The following ENPP2 variants were observed in gnomAD, a reference collection of about 807,000 sequenced individuals.
ENPP2 encodes autotaxin.
ENPP2 carries 51 observed loss-of-function variants against 120.2 expected under a neutral mutation model. The observed-to-expected ratio is 0.42, with a 90% confidence interval of 0.34 to 0.54. ENPP2 has a LOEUF of 0.54. Ranked by LOEUF, ENPP2 falls within the 20% of genes least tolerant of loss-of-function variation. ENPP2 has a pLI of 0.04. For missense variants in ENPP2, 920 were observed against 1,066.5 expected, an observed-to-expected ratio of 0.86 and a Z score of 1.91; for synonymous variants, 365 against 366.4, an observed-to-expected ratio of 1.00 and a Z score of 0.04.
chr8:119,590,496 T>C lies in ENPP2; in HGVS notation c.1207+9A>G, dbSNP rs779963924. 9.4e-6 allele frequency: 15 copies of C among 1,589,310 alleles called. No individual in the cohort carries two copies. In the African/African-American group the frequency reaches 1.8e-4, roughly 19 times the overall value. On this transcript the variant is annotated intron_variant, in intron 13 of 24. Transcript: ENST00000075322. Reference sequence around the variant, plus strand: ...CTCTAACCACTTAATATTTTAAGAATCAACTTACATTTAGCATTGTTGCTA... The same window carrying C: ...CTCTAACCACTTAATATTTTAAGAACCAACTTACATTTAGCATTGTTGCTA...
intron 21 of ENPP2, 150 bp from the exon 22 acceptor site, chr8:119,568,402 T>C: frequency 3.4e-6 from 2 of 590,634 alleles, no homozygotes; most frequent in Non-Finnish European, 6.1e-6. Flanking sequence ...CTAACTGCGT[T>C]ATACAACATG....
chr8:119,575,328 G>A (rs1463461051), intron 19 of ENPP2, among the ~76,000 whole-genome samples: 1 of 152,042 alleles, frequency 6.6e-6, no homozygotes, highest in East Asian at 1.9e-4. Flanking sequence ...CATGGAGAGT[G>A]TATGGGAAAG....
rs200238911 is a variant in ENPP2 at position 119,586,286 on chromosome 8, G to T, written c.1267C>A (p.Pro423Thr). ...TCKKPDQHFK[P>T]YLKQHLPKRL... is the part of the protein sequence containing the mutation. ...TTGGGAAGGTGCTGTTTCAAGTAAG[G>T]CTTAAAGTGCTGATCTGGTTTTTTA... Residue 423 changes from proline (P) to threonine (T), a missense_variant, in exon 15 of 25, where the codon CCT (proline) becomes ACT (threonine). Pro to Thr is a conservative substitution (Grantham distance 38). Coordinates refer to ENST00000075322, the MANE Select transcript of ENPP2 (RefSeq NM_001040092.3). 10 of 1,613,876 alleles carry T rather than the reference G, an allele frequency of 6.2e-6. 1 individual carries two copies. The highest frequency in any genetic ancestry group is 3.3e-4 in the Middle Eastern group (2 of 6,060).
chr8:119,592,055 T>C (rs1263861228), intron 12 of ENPP2, among the ~76,000 whole-genome samples: 1 of 152,222 alleles, frequency 6.6e-6, no homozygotes, highest in Non-Finnish European at 1.5e-5. Context: ...GGGGTGTTAA[T>C]GTTCTCACCT....
intron 19 of ENPP2, among the ~76,000 whole-genome samples, chr8:119,576,845 C>T (rs1405953362): frequency 6.6e-6 from 1 of 152,150 alleles, no homozygotes; most frequent in South Asian, 2.1e-4. Flanking sequence ...AGTCTACCAC[C>T]TATCTAGAAA....
At chr8:119,567,430 A>C (rs1814563937) in intron 22 of ENPP2, among the ~76,000 whole-genome samples, 1 of 152,206 alleles carries the variant, frequency 6.6e-6, no homozygotes, top group South Asian at 2.1e-4. Flanking sequence ...TGAGAGATTT[A>C]ATGACATTTC....
In ENPP2 at chr8:119,600,831, TA is replaced by T. The variant is rs555281736; in HGVS notation, c.900-82del. ...ATCACATATTTTTAAAAAACGCATT[TA>T]AAAAAAAATGTTCTCAAGTTTAATT... On this transcript the variant is annotated intron_variant, in intron 10 of 24. Coordinates refer to ENST00000075322, the MANE Select transcript of ENPP2 (RefSeq NM_001040092.3). 1.2e-3 allele frequency: 964 copies of T among 818,688 alleles called. 1 individual carries two copies. Among genetic ancestry groups the T allele is most frequent in the African/African-American group, 4.3e-3 (247 of 57,308 alleles). 50.7% of individuals were successfully genotyped at this position (818,688 alleles called of 1,614,324 possible). A position where few individuals can be genotyped will look rare whatever the true frequency, so the allele number is the denominator to read the frequency against.
chr8:119,662,825 G>C (rs918277307), intron 1 of ENPP2, among the ~76,000 whole-genome samples: 16 of 152,184 alleles, frequency 1.1e-4, no homozygotes, highest in African/African-American at 3.9e-4. Context: ...AAAACGGGTA[G>C]TATAGGCCAG....
Position 119,617,215 on chromosome 8 carries a change from C to T in ENPP2, c.606G>A (p.Met202Ile), listed in dbSNP as rs746187066. Residue 202 changes from methionine to isoleucine, a missense_variant, in exon 7 of 25, where the codon ATG (methionine) becomes ATA (isoleucine). Met to Ile is a conservative substitution (Grantham distance 10). Transcript: ENST00000075322. ...LRSCGTHSPY[M>I]RPVYPTKTFP... ...AGGTTTTAGTTGGGTACACCGGCCT[C>T]ATGTAGGGAGAGTGTGTGCCACAAG... 2 of 1,613,600 alleles carry T rather than the reference C, an allele frequency of 1.2e-6. No homozygotes were observed. The highest frequency in any genetic ancestry group is 1.3e-5 in the African/African-American group (1 of 74,906).
At chr8:119,590,035 G>A (rs1813390054) in intron 13 of ENPP2, among the ~76,000 whole-genome samples, 1 of 152,102 alleles carries the variant, frequency 6.6e-6, no homozygotes, top group South Asian at 2.1e-4. Context: ...CAAAGAGAAT[G>A]GACTCCATTC....
chr8:119,662,300 A>G (rs763202409), intron 1 of ENPP2, among the ~76,000 whole-genome samples: 38 of 152,234 alleles, frequency 2.5e-4, no homozygotes, highest in Non-Finnish European at 4.4e-4. Flanking sequence ...TCGTAAATAC[A>G]TACAATGTTT....
intron 2 of ENPP2, among the ~76,000 whole-genome samples, chr8:119,628,741 T>C (rs1431493514): frequency 6.6e-6 from 1 of 152,078 alleles, no homozygotes; most frequent in African/African-American, 2.4e-5. Context: ...GAAATGAAGA[T>C]AGAAATAAAA....
chr8:119,619,130 C>T (rs1587497466), intron 5 of ENPP2, 114 bp downstream of exon 5: 1 of 756,682 alleles, frequency 1.3e-6, no homozygotes. Flanking sequence ...CATAAGTTTG[C>T]CTGTATAAGA....
Position 119,565,880 on chromosome 8 carries a change from GCACA to G in ENPP2, c.2132-929_2132-926del, listed in dbSNP as rs138379605. On this transcript the variant is annotated intron_variant, in intron 22 of 24. Coordinates refer to ENST00000075322, the MANE Select transcript of ENPP2 (RefSeq NM_001040092.3). ...CTGTATCTTTCTCTTGCACGCACAT[GCACA>G]CACACACACACACCACCCATTTCCA... is the stretch of plus-strand genomic sequence containing the variant. 3.9e-3 allele frequency among the ~76,000 whole-genome samples: 591 copies of G among 150,190 alleles called. 3 individuals carry two copies. The highest frequency in any genetic ancestry group is 0.014 in the African/African-American group (569 of 41,006).
intron 1 of ENPP2, among the ~76,000 whole-genome samples, chr8:119,655,316 A>G (rs1024452172): frequency 2.0e-5 from 3 of 152,208 alleles, no homozygotes; most frequent in South Asian, 2.1e-4. Context: ...TTGAAATACA[A>G]TTACCTCAGA....
At chr8:119,661,996 T>C (rs1008327771) in intron 1 of ENPP2, among the ~76,000 whole-genome samples, 4 of 152,088 alleles carry the variant, frequency 2.6e-5, no homozygotes, top group Non-Finnish European at 4.4e-5. Context: ...GAGAATAGGA[T>C]GGTGGTTACA....
intron 23 of ENPP2, among the ~76,000 whole-genome samples, chr8:119,563,776 CAATTTACACA>C (rs1319145274): frequency 1.3e-5 from 2 of 151,740 alleles, no homozygotes; most frequent in Non-Finnish European, 2.9e-5. Context: ...AATAAATGTG[CAATTTACACA>C]AAATTTCTCT....
intron 3 of ENPP2, 32 bp downstream of exon 3, chr8:119,626,533 T>C (rs1816288023): frequency 1.3e-6 from 2 of 1,595,030 alleles, no homozygotes; most frequent in Non-Finnish European, 1.7e-6. Context: ...AGCCATCTAC[T>C]TGAAGGTAGA....
At chr8:119,561,938 A>G (rs933129533) in intron 24 of ENPP2, among the ~76,000 whole-genome samples, 1 of 151,906 alleles carries the variant, frequency 6.6e-6, no homozygotes, top group East Asian at 1.9e-4. Context: ...GGAGATTGAG[A>G]CCATCCTGGC....
Sources: allele counts gnomAD v4.1 joint callset (sites outside exome capture counted in the v4.1 genomes callset), GRCh38; gene constraint gnomAD v4.1.1; transcripts MANE v1.5; gene names NCBI Gene and HGNC (gene_info 2026-07-23, HGNC 2026-07-21).